Variants in SIPA1L1 observed in about 807,000 individuals in gnomAD.
The protein encoded by SIPA1L1 is signal induced proliferation associated 1 like 1.
A neutral mutation model predicts 162.7 loss-of-function variants in SIPA1L1; 26 were observed. The observed-to-expected ratio is 0.16, with a 90% CI of 0.12 to 0.22. SIPA1L1 has a LOEUF of 0.22. Among genes scored for constraint, SIPA1L1 ranks in the 10% least tolerant of loss-of-function variants. The pLI, the probability that SIPA1L1 is intolerant of heterozygous loss-of-function variation, is 1.00. For missense variants in SIPA1L1, 1,874 were observed against 2,241.0 expected (o/e 0.84, Z 3.31); for synonymous variants, 829 against 837.4 (o/e 0.99, Z 0.17).
At chr14:71,736,832 G>A (rs1002898761) in intron 22 of SIPA1L1, among the ~76,000 whole-genome samples, 1 of 152,202 alleles carries the variant, frequency 6.6e-6, no homozygotes, top group African/African-American at 2.4e-5. Flanking sequence ...TCTTGGGTCA[G>A]CATGGACTGA....
At chr14:71,579,387 A>T (rs1321315003) in intron 4 of SIPA1L1, among the ~76,000 whole-genome samples, 1 of 152,102 alleles carries the variant, frequency 6.6e-6, no homozygotes, top group African/African-American at 2.4e-5. Context: ...AAATCTACAG[A>T]TAAGTGGCCT....
At chr14:71,609,262 T>C (rs930324404) in intron 5 of SIPA1L1, among the ~76,000 whole-genome samples, 4 of 152,016 alleles carry the variant, frequency 2.6e-5, no homozygotes, top group Non-Finnish European at 5.9e-5. Flanking sequence ...CTCCTTGGAA[T>C]AAATTTTTAT....
At chr14:71,717,109 A>G (rs1470997599) in intron 17 of SIPA1L1, among the ~76,000 whole-genome samples, 2 of 152,192 alleles carry the variant, frequency 1.3e-5, no homozygotes, top group African/African-American at 4.8e-5. Context: ...CTTGTTGGCC[A>G]GGATGGTCTC....
chr14:71,607,299 T>C lies in SIPA1L1; in HGVS notation c.1499-11458T>C, dbSNP rs1019660483. Among the ~76,000 whole-genome samples, 8 of 151,344 alleles carry C rather than the reference T, an allele frequency of 5.3e-5. 1 individual carries two copies. Among genetic ancestry groups the C allele is most frequent in the Non-Finnish European group, 7.4e-5 (5 of 67,896 alleles). On this transcript the variant is annotated intron_variant, in intron 5 of 23. Transcript: ENST00000381232. ...TAGATGAAAAGCCTGCATGGTGTGG[T>C]GACTATTAGTGTTTTCTCTTTTAAC...
intron 7 of SIPA1L1, among the ~76,000 whole-genome samples, chr14:71,636,755 G>A (rs1369940171): frequency 6.6e-6 from 1 of 152,146 alleles, no homozygotes; most frequent in African/African-American, 2.4e-5. Context: ...TGAAAGGCTA[G>A]ATCTGGCCAG....
chr14:71,718,033 C>T (rs567978058), intron 17 of SIPA1L1, among the ~76,000 whole-genome samples: 10 of 152,240 alleles, frequency 6.6e-5, no homozygotes, highest in African/African-American at 1.9e-4. Flanking sequence ...GGATTTTGAC[C>T]GTCATAACAA....
intron 2 of SIPA1L1, among the ~76,000 whole-genome samples, chr14:71,416,497 G>GT (rs1233020484): frequency 1.3e-5 from 2 of 151,942 alleles, no homozygotes; most frequent in African/African-American, 4.8e-5. Context: ...GGTAATGCTG[G>GT]TACAGTATCT....
At chr14:71,721,762 A>G (rs1350124580) in intron 17 of SIPA1L1, among the ~76,000 whole-genome samples, 1 of 152,152 alleles carries the variant, frequency 6.6e-6, no homozygotes, top group South Asian at 2.1e-4. Flanking sequence ...CTTGGCCACC[A>G]TGGCTGGTGT....
intron 2 of SIPA1L1, among the ~76,000 whole-genome samples, chr14:71,462,008 A>T (rs1036891498): frequency 2.6e-5 from 4 of 152,196 alleles, no homozygotes; most frequent in East Asian, 1.9e-4. Flanking sequence ...TGCCTTCAGG[A>T]TGTGCTCGAG....
chr14:71,578,402 A>G (rs975043046), intron 4 of SIPA1L1, among the ~76,000 whole-genome samples: 3 of 152,064 alleles, frequency 2.0e-5, no homozygotes, highest in Non-Finnish European at 2.9e-5. Context: ...CTCTTTCTTC[A>G]TTCGTAAAAT....
rs543687940 is a variant in SIPA1L1, at chr14:71,715,817, G to T, written c.4208+6153G>T. Among the ~76,000 whole-genome samples, 282 of 152,218 alleles carry T rather than the reference G, an allele frequency of 1.9e-3. 5 individuals are homozygous for T. Among genetic ancestry groups the T allele is most frequent in the Non-Finnish European group, 1.3e-3 (87 of 68,024 alleles). On this transcript the variant is annotated intron_variant, in intron 17 of 23. Coordinates refer to ENST00000381232, the MANE Select transcript of SIPA1L1 (RefSeq NM_001386936.1). ...CTATAATCATATTTTCTCTTCTCAA[G>T]CATCTGGCTTTGTTTTCTTTATCCT...
At chr14:71,736,772 G>A (rs1363822307) in intron 22 of SIPA1L1, among the ~76,000 whole-genome samples, 1 of 152,196 alleles carries the variant, frequency 6.6e-6, no homozygotes, top group Non-Finnish European at 1.5e-5. Flanking sequence ...CTGTTTTCCT[G>A]TGAAAGGATT....
At chr14:71,511,107 G>A (rs1392724046) in intron 2 of SIPA1L1, among the ~76,000 whole-genome samples, 1 of 152,166 alleles carries the variant, frequency 6.6e-6, no homozygotes, top group African/African-American at 2.4e-5. Context: ...TTGAATTAAA[G>A]TGCCTTTTTC....
intron 4 of SIPA1L1, among the ~76,000 whole-genome samples, chr14:71,540,189 A>T (rs546037735): frequency 2.0e-5 from 3 of 152,198 alleles, no homozygotes; most frequent in Non-Finnish European, 4.4e-5. Context: ...TCAGAACACT[A>T]ATCACTTGCT....
intron 2 of SIPA1L1, among the ~76,000 whole-genome samples, chr14:71,375,266 C>G (rs895022004): frequency 6.6e-5 from 10 of 152,042 alleles, no homozygotes; most frequent in African/African-American, 2.4e-4. Context: ...TTTCTATTTC[C>G]TAGATTCTGT....
intron 16 of SIPA1L1, among the ~76,000 whole-genome samples, chr14:71,705,617 G>T (rs2082382473): frequency 6.6e-6 from 1 of 152,012 alleles, no homozygotes; most frequent in Non-Finnish European, 1.5e-5. Context: ...GAGTGGAAAT[G>T]TGTTAGAAGT....
chr14:71,718,544 G>T (rs946925070), intron 17 of SIPA1L1, among the ~76,000 whole-genome samples: 4 of 152,168 alleles, frequency 2.6e-5, no homozygotes, highest in African/African-American at 7.2e-5. Context: ...TGGCTACTTG[G>T]GGGGCTAAGG....
At chr14:71,653,295 T>A (rs553741385) in intron 8 of SIPA1L1, among the ~76,000 whole-genome samples, 49 of 152,284 alleles carry the variant, frequency 3.2e-4, no homozygotes, top group African/African-American at 1.1e-3. Context: ...ACTGTGGAAT[T>A]GTTTGGCTTA....
At chr14:71,698,599 A>T (rs2081837909) in intron 13 of SIPA1L1, among the ~76,000 whole-genome samples, 1 of 152,208 alleles carries the variant, frequency 6.6e-6, no homozygotes, top group African/African-American at 2.4e-5. Flanking sequence ...CTCTGGGAGG[A>T]CTAGTGTAAG....
Sources: gnomAD v4.1 joint callset for allele counts (sites outside exome capture counted in the v4.1 genomes callset) on GRCh38, gnomAD v4.1.1 for gene constraint, MANE v1.5 for transcripts, NCBI Gene and HGNC (gene_info 2026-07-23, HGNC 2026-07-21) for gene names.